PSCA: variants seen among roughly 807,000 people sequenced by gnomAD.
PSCA encodes prostate stem cell antigen.
Under a neutral mutation model 7.9 loss-of-function variants are expected in PSCA, and 7 were observed. The observed-to-expected ratio is 0.89, with a 90% CI of 0.51 to 1.67. The LOEUF (loss-of-function observed/expected upper bound fraction) is 1.67, where lower values mean the gene tolerates loss of function less well. Ranked by LOEUF, PSCA falls within the 40% of genes most tolerant of loss-of-function variation. PSCA has a pLI of 0.00. For missense variants in PSCA, 151 were observed against 147.9 expected, an observed-to-expected ratio of 1.02 and a Z score of -0.11; for synonymous variants, 61 against 68.3, an observed-to-expected ratio of 0.89 and a Z score of 0.53.
Position 142,681,352 on chromosome 8 carries a change from C to A in PSCA, c.51C>A (p.Cys17Ter). The A allele has an allele frequency of 1.3e-6, 2 of 1,575,272 alleles. No individual in the cohort carries two copies. Among genetic ancestry groups the A allele is most frequent in the Non-Finnish European group, 1.7e-6 (2 of 1,160,548 alleles). ...QPGTALLCYSCKAQVSNEDCL... is the reference protein window; with the variant it reads ...QPGTALLCYS ...GCACTGCCCTGCTGTGCTACTCCTG[C>A]AAAGCCCAGGTGAGCAACGAGGACT... The change falls in exon 2 of 3, where the codon TGC (cysteine) becomes TGA (stop). Residue 17 changes from cysteine to a stop codon, truncating the protein, a stop_gained. Coordinates refer to ENST00000301258, the MANE Select transcript of PSCA (RefSeq NM_005672.5). LOFTEE classifies it high-confidence loss of function.
At chr8:142,676,981 CAG>C (rs1340527445), upstream of PSCA, among the ~76,000 whole-genome samples, 4 of 152,198 alleles carry the variant, frequency 2.6e-5, no homozygotes, top group East Asian at 1.9e-4. Flanking sequence ...GTGTGAATGA[CAG>C]GGGACAGGGA....
chr8:142,675,735 TCA>T (rs782667744), upstream of PSCA, among the ~76,000 whole-genome samples: 1 of 152,006 alleles, frequency 6.6e-6, no homozygotes, highest in African/African-American at 2.4e-5. Context: ...CAGTCACATA[TCA>T]CACACACACA....
At chr8:142,675,100 A>AT (rs1847383881) in intron 1 of PSCA, among the ~76,000 whole-genome samples, 1 of 152,220 alleles carries the variant, frequency 6.6e-6, no homozygotes, top group African/African-American at 2.4e-5. Context: ...TCTCTGGATG[A>AT]CAGGCCTCTC....
intron 1 of PSCA, among the ~76,000 whole-genome samples, chr8:142,670,759 T>C (rs1554637300): frequency 6.6e-6 from 1 of 152,160 alleles, no homozygotes; most frequent in East Asian, 1.9e-4. Context: ...ATTACTTACA[T>C]GGCAAAAGGG....
At chr8:142,676,803 G>A (rs587632970), upstream of PSCA, among the ~76,000 whole-genome samples, 29 of 152,328 alleles carry the variant, frequency 1.9e-4, no homozygotes, top group Non-Finnish European at 3.1e-4. Flanking sequence ...CCAGCTGACC[G>A]GGAGACTGGA....
intron 1 of PSCA, among the ~76,000 whole-genome samples, chr8:142,674,800 G>C (rs2920285): frequency 0.44 from 67,216 of 152,108 alleles, 15,065 homozygotes; most frequent in Admixed American, 0.51. Context: ...ACAGCAGCCT[G>C]CTTCTGCACT....
At chr8:142,670,791 A>C (rs1383336173) in intron 1 of PSCA, among the ~76,000 whole-genome samples, 1 of 152,202 alleles carries the variant, frequency 6.6e-6, no homozygotes, top group African/African-American at 2.4e-5. Context: ...AATGAAGTTA[A>C]GATTCTTTAG....
chr8:142,676,374 G>A (rs1342855017), upstream of PSCA: 1 of 152,394 alleles, frequency 6.6e-6, no homozygotes, highest in African/African-American at 2.4e-5. Context: ...GGTGGGACTA[G>A]AACCCAGGGC....
chr8:142,678,936 A>G (rs1038970051), upstream of PSCA, among the ~76,000 whole-genome samples: 4 of 140,122 alleles, frequency 2.9e-5, no homozygotes, highest in East Asian at 8.4e-4. Context: ...CTAGAGGGCC[A>G]TAGCCGCTGC....
chr8:142,679,198 C>T (rs145190465), upstream of PSCA, among the ~76,000 whole-genome samples: 192 of 152,366 alleles, frequency 1.3e-3, no homozygotes, highest in Non-Finnish European at 2.0e-3. Flanking sequence ...CAAACAGAGG[C>T]CATACAGCCC....
chr8:142,680,484 C>T (rs1319745242), upstream of PSCA: 3 of 1,548,372 alleles, frequency 1.9e-6, no homozygotes, highest in Non-Finnish European at 2.6e-6. Context: ...TCACCTGAGG[C>T]CCTCTCCACC....
chr8:142,679,269 C>T (rs781806770), upstream of PSCA, among the ~76,000 whole-genome samples: 1 of 152,236 alleles, frequency 6.6e-6, no homozygotes, highest in East Asian at 1.9e-4. Context: ...TTCCCCGACT[C>T]GTTTGCAGCT....
At position 142,672,366 on chromosome 8, in the gene PSCA, C is replaced by T. The variant is rs587652753; in HGVS notation, n.261+1798C>T. On this transcript the variant is annotated intron_variant and non_coding_transcript_variant, in intron 1 of 1. Transcript: ENST00000505305. ...AGCTATCAACTGCTGCATCAAAAAC[C>T]GCCCAAAACTTAGCAGCTTGAAACC... is the stretch of plus-strand genomic sequence containing the variant. 5.2e-4 allele frequency among the ~76,000 whole-genome samples: 79 copies of T among 152,280 alleles called. 1 individual carries two copies. Among genetic ancestry groups the T allele is most frequent in the Admixed American group, 3.9e-3 (59 of 15,280 alleles).
In PSCA at chr8:142,681,934, C is replaced by T. The variant is rs1554638411; in HGVS notation, c.147C>T (p.Leu49=). 3 of 1,550,058 alleles carry T rather than the reference C, an allele frequency of 1.9e-6. No homozygotes were observed. The highest frequency in any genetic ancestry group is 2.6e-6 in the Non-Finnish European group (3 of 1,144,156). ...CWTARIRAVG[L]LTVISKGCSL... ...GCTGCTCCCCAGGCGCAGTTGGCCT[C>T]CTGACCGTCATCAGCAAAGGCTGCA... The change falls in exon 3 of 3, where the codon CTC becomes CTT. Residue 49 remains leucine, a synonymous_variant. Coordinates refer to ENST00000301258, the MANE Select transcript of PSCA (RefSeq NM_005672.5).
chr8:142,670,495 T>A (rs1201715536), exon 1 of PSCA: 1 of 152,226 alleles, frequency 6.6e-6, no homozygotes, highest in Admixed American at 6.5e-5. Flanking sequence ...CTTACTTAGC[T>A]GGGGTCCAAT....
At position 142,681,587 on chromosome 8, in the gene PSCA, C is replaced by T. The variant is rs587603844; in HGVS notation, c.133+153C>T. ...CCCCAACAATCACCCAGCATCTGTC[C>T]CTCCAGCCATCCTCCTCCATCTGCC... On this transcript the variant is annotated intron_variant, in intron 2 of 2. Transcript: ENST00000301258. The T allele has an allele frequency of 4.4e-4, 302 of 688,584 alleles. 2 individuals carry two copies. The highest frequency in any genetic ancestry group is 2.8e-5 in the Non-Finnish European group (11 of 393,182). The allele number at this position is 688,584 out of a possible 1,614,324, so 42.7% of individuals were successfully genotyped here. A position where few individuals can be genotyped will look rare whatever the true frequency, so the allele number is the denominator to read the frequency against.
In PSCA at chr8:142,681,350, T is replaced by C. The variant is rs1371798949; in HGVS notation, c.49T>C (p.Cys17Arg). 1 of 1,573,548 alleles carries C rather than the reference T, an allele frequency of 6.4e-7. No homozygotes were observed. The highest frequency in any genetic ancestry group is 8.6e-7 in the Non-Finnish European group (1 of 1,159,570). The change falls in exon 2 of 3, where the codon TGC becomes CGC. Residue 17 changes from cysteine to arginine, a missense_variant. Physicochemically the swap from Cys to Arg is radical, Grantham distance 180 (BLOSUM62 -3). Coordinates refer to ENST00000301258, the MANE Select transcript of PSCA (RefSeq NM_005672.5). ...QPGTALLCYS[C>R]KAQVSNEDCL... Reference sequence around the variant, plus strand: ...AGGCACTGCCCTGCTGTGCTACTCCTGCAAAGCCCAGGTGAGCAACGAGGA... The same window carrying C: ...AGGCACTGCCCTGCTGTGCTACTCCCGCAAAGCCCAGGTGAGCAACGAGGA...
At chr8:142,677,842 C>T (rs2129864734), upstream of PSCA, among the ~76,000 whole-genome samples, 1 of 152,178 alleles carries the variant, frequency 6.6e-6, no homozygotes, top group East Asian at 1.9e-4. Flanking sequence ...TCCTCACTTG[C>T]CAGAGAAGAG....
rs1554638184 is a variant in PSCA at position 142,680,509 on chromosome 8, A to G, written c.-30A>G. Reference sequence around the variant, plus strand: ...CCCTCTCCACCACAGCCCACCAGTGACCACGAAGGCTGTGCTGCTTGCCCT... The same window carrying G: ...CCCTCTCCACCACAGCCCACCAGTGGCCACGAAGGCTGTGCTGCTTGCCCT... On this transcript the variant is annotated 5_prime_UTR_variant, in exon 1 of 3. Transcript: ENST00000301258. 6.4e-7 allele frequency: 1 copy of G among 1,552,838 alleles called. No individual in the cohort carries two copies. The highest frequency in any genetic ancestry group is 8.7e-7 in the Non-Finnish European group (1 of 1,147,626).
Sources: allele counts gnomAD v4.1 joint callset (sites outside exome capture counted in the v4.1 genomes callset), GRCh38; gene constraint gnomAD v4.1.1; transcripts MANE v1.5; gene names NCBI Gene and HGNC (gene_info 2026-07-23, HGNC 2026-07-21).